Variants in ALKBH8 observed in about 807,000 individuals in gnomAD.
ALKBH8 encodes the protein alkB homolog 8, tRNA methyltransferase.
Under a neutral mutation model 59.8 loss-of-function variants are expected in ALKBH8, and 36 were observed. That is an observed-to-expected ratio of 0.60 (90% CI 0.46 to 0.79). The LOEUF is 0.79. ALKBH8 is among the 30% of genes least tolerant of loss of function. The probability of loss-of-function intolerance (pLI) is 0.00; values close to 1 mark genes in which losing one functional copy is unlikely to be tolerated. For synonymous variants in ALKBH8, 276 were observed against 273.6 expected (o/e 1.01, Z -0.09); for missense variants, 768 against 801.0 (o/e 0.96, Z 0.50).
At chr11:107,518,611 G>A (rs1862970932) in intron 10 of ALKBH8, among the ~76,000 whole-genome samples, 5 of 152,368 alleles carry the variant, frequency 3.3e-5, no homozygotes, top group Admixed American at 2.6e-4. Context: ...ACAAACAATA[G>A]CATGAGCAAT....
At chr11:107,532,055 T>G (rs140615272) in intron 8 of ALKBH8, among the ~76,000 whole-genome samples, 1 of 152,240 alleles carries the variant, frequency 6.6e-6, no homozygotes, top group African/African-American at 2.4e-5. Context: ...ATATTCAAAA[T>G]TAGTAAATGA....
At chr11:107,523,796 T>G (rs141985064) in intron 9 of ALKBH8, among the ~76,000 whole-genome samples, 6,761 of 151,660 alleles carry the variant, frequency 0.045, 503 homozygotes, top group African/African-American at 0.15. Context: ...AGAGACAGGT[T>G]TCACCATGTT....
intron 9 of ALKBH8, among the ~76,000 whole-genome samples, chr11:107,523,389 G>A (rs1863209829): frequency 1.3e-5 from 2 of 151,954 alleles, no homozygotes; most frequent in Non-Finnish European, 2.9e-5. Flanking sequence ...ACTCATATAT[G>A]GAATCTAAAA....
intron 2 of ALKBH8, among the ~76,000 whole-genome samples, chr11:107,558,238 AT>A: frequency 6.6e-6 from 1 of 152,318 alleles, no homozygotes; most frequent in African/African-American, 2.4e-5. Flanking sequence ...ATATAAAAGA[AT>A]TATTATGAAA....
At chr11:107,544,405 C>T (rs1864165997) in intron 7 of ALKBH8, among the ~76,000 whole-genome samples, 1 of 152,164 alleles carries the variant, frequency 6.6e-6, no homozygotes, top group Non-Finnish European at 1.5e-5. Flanking sequence ...TAAGAACTGT[C>T]AGCATTGAGT....
rs538132071 is a variant in ALKBH8, at chr11:107,563,995, G to T, written c.-7+1606C>A. On this transcript the variant is annotated intron_variant, in intron 1 of 11. Coordinates refer to ENST00000428149, the MANE Select transcript of ALKBH8 (RefSeq NM_138775.3). ...TGAGTCATCTCAACAAGGATAGGCT[G>T]ATACCAGCTGCTGAGGTCTGGAGGT... Among the ~76,000 whole-genome samples the T allele has an allele frequency of 1.1e-4, 17 of 152,308 alleles. 1 individual carries two copies. In the South Asian group the frequency reaches 2.7e-3, roughly 24 times the overall value.
chr11:107,551,816 G>T lies in ALKBH8; in HGVS notation c.692C>A (p.Pro231His). ...GAACAAGAAATACTCACCTTGCCCA[G>T]GTTCATACTGATTTATGGTCATTTG... Reference protein sequence around the residue: ...PDQMTINQYEPGQGIPAHIDT... With the variant: ...PDQMTINQYEHGQGIPAHIDT... The change falls in exon 6 of 12, where the codon CCT (proline) becomes CAT (histidine). Residue 231 changes from proline (P) to histidine (H), a missense_variant. Physicochemically the swap from Pro to His is moderately conservative, Grantham distance 77. Coordinates refer to ENST00000428149, the MANE Select transcript of ALKBH8 (RefSeq NM_138775.3). 1 of 1,540,738 alleles carries T rather than the reference G, an allele frequency of 6.5e-7. No individual in the cohort carries two copies. Among genetic ancestry groups the T allele is most frequent in the South Asian group, 1.3e-5 (1 of 77,344 alleles).
chr11:107,539,605 A>AC (rs1469625145), intron 7 of ALKBH8, among the ~76,000 whole-genome samples: 1 of 151,666 alleles, frequency 6.6e-6, no homozygotes, highest in Non-Finnish European at 1.5e-5. Flanking sequence ...CCAAAAAAAA[A>AC]CAAAAACAAA....
chr11:107,540,468 TC>T (rs1452015802), intron 7 of ALKBH8, among the ~76,000 whole-genome samples: 1 of 152,198 alleles, frequency 6.6e-6, no homozygotes, highest in Non-Finnish European at 1.5e-5. Flanking sequence ...AGACACACTG[TC>T]AAATGTTACA....
At chr11:107,510,473 T>C (rs1243881047) in intron 11 of ALKBH8, among the ~76,000 whole-genome samples, 2 of 151,560 alleles carry the variant, frequency 1.3e-5, no homozygotes, top group Non-Finnish European at 2.9e-5. Flanking sequence ...GATAAAACTA[T>C]GGGTTGAGAA....
intron 1 of ALKBH8, 127 bp downstream of exon 1, chr11:107,565,474 G>A: frequency 1.4e-6 from 2 of 1,385,292 alleles, no homozygotes; most frequent in Admixed American, 4.1e-5. Context: ...GGCGCCTCTG[G>A]GATCCATCCC....
chr11:107,544,406 A>C (rs1290693662), intron 7 of ALKBH8, among the ~76,000 whole-genome samples: 1 of 152,228 alleles, frequency 6.6e-6, no homozygotes, highest in African/African-American at 2.4e-5. Context: ...AAGAACTGTC[A>C]GCATTGAGTC....
intron 7 of ALKBH8, among the ~76,000 whole-genome samples, chr11:107,533,467 G>C (rs1045145088): frequency 2.0e-5 from 3 of 152,102 alleles, no homozygotes; most frequent in African/African-American, 4.8e-5. Flanking sequence ...AAAGTATACA[G>C]AGCTAAAGTA....
At chr11:107,565,484 C>T (rs2135608156) in intron 1 of ALKBH8, 117 bp downstream of exon 1, 1 of 1,456,792 alleles carries the variant, frequency 6.9e-7, no homozygotes, top group African/African-American at 1.4e-5. Flanking sequence ...GGATCCATCC[C>T]CTTTCCCTAG....
rs541825084 is a variant in ALKBH8, at chr11:107,513,274, G to A, written c.1288-2238C>T. Among the ~76,000 whole-genome samples the A allele has an allele frequency of 3.9e-5, 6 of 152,188 alleles. No homozygotes were observed. In the South Asian group the frequency reaches 8.3e-4, roughly 21 times the overall value. ...CAGATACTTTTCAAAAGACATACAC[G>A]TGGCCAACAAGCATATGAAAAAAGC... On this transcript the variant is annotated intron_variant, in intron 10 of 11. Coordinates refer to ENST00000428149, the MANE Select transcript of ALKBH8 (RefSeq NM_138775.3).
intron 5 of ALKBH8, 23 bp downstream of exon 5, chr11:107,553,085 A>C (rs758910119): frequency 4.2e-6 from 6 of 1,417,542 alleles, no homozygotes; most frequent in Non-Finnish European, 5.8e-6. Context: ...GCCAGAATTT[A>C]TTATGTATTA....
chr11:107,530,711 T>C (rs1863559906), intron 8 of ALKBH8, among the ~76,000 whole-genome samples: 2 of 151,760 alleles, frequency 1.3e-5, no homozygotes, highest in Non-Finnish European at 2.9e-5. Context: ...GAGGGTTTTT[T>C]CCCCTAAAAA....
At chr11:107,510,815 A>T in intron 11 of ALKBH8, 72 bp downstream of exon 11, 3 of 1,492,930 alleles carry the variant, frequency 2.0e-6, no homozygotes, top group Non-Finnish European at 2.7e-6. Flanking sequence ...AGGGTCCAAA[A>T]TCAGCAAAAT....
At chr11:107,533,855 G>A (rs1162616982) in intron 7 of ALKBH8, among the ~76,000 whole-genome samples, 1 of 152,142 alleles carries the variant, frequency 6.6e-6, no homozygotes, top group African/African-American at 2.4e-5. Context: ...TTGGCTGAGC[G>A]TGGTGGCTCA....
Sources: gnomAD v4.1 joint callset for allele counts (sites outside exome capture counted in the v4.1 genomes callset) on GRCh38, gnomAD v4.1.1 for gene constraint, MANE v1.5 for transcripts, NCBI Gene and HGNC (gene_info 2026-07-23, HGNC 2026-07-21) for gene names.